The following ARHGAP42 variants were observed in gnomAD, a reference collection of about 807,000 sequenced individuals.
The protein encoded by ARHGAP42 is Rho GTPase activating protein 42.
In ARHGAP42, 63 loss-of-function variants were observed where a neutral mutation model predicts 125.0. The observed-to-expected ratio is 0.50, with a 90% CI of 0.41 to 0.62. The LOEUF (loss-of-function observed/expected upper bound fraction) is 0.62. ARHGAP42 is among the 20% of genes least tolerant of loss of function. ARHGAP42 has a pLI of 0.00. For missense variants in ARHGAP42, 766 were observed against 1,024.2 expected (o/e 0.75, Z 3.44); for synonymous variants, 339 against 351.0 (o/e 0.97, Z 0.38).
intron 1 of ARHGAP42, among the ~76,000 whole-genome samples, chr11:100,698,277 G>A (rs1861321707): frequency 6.6e-6 from 1 of 152,098 alleles, no homozygotes; most frequent in Non-Finnish European, 1.5e-5. Context: ...TTGAAGACTG[G>A]TCTGGACAAC....
At chr11:100,914,083 T>G (rs1469397256) in intron 5 of ARHGAP42, among the ~76,000 whole-genome samples, 1 of 152,036 alleles carries the variant, frequency 6.6e-6, no homozygotes, top group East Asian at 1.9e-4. Flanking sequence ...TACAGGCATG[T>G]GCCACCAAGC....
intron 1 of ARHGAP42, among the ~76,000 whole-genome samples, chr11:100,767,046 A>G (rs1862845411): frequency 6.6e-6 from 1 of 152,214 alleles, no homozygotes; most frequent in Non-Finnish European, 1.5e-5. Context: ...TTTGCAGTGT[A>G]GCAAGAAAAG....
intron 1 of ARHGAP42, among the ~76,000 whole-genome samples, chr11:100,747,993 T>C (rs2045357015): frequency 6.7e-6 from 1 of 149,200 alleles, no homozygotes; most frequent in Admixed American, 6.7e-5. Context: ...CCCCCTTTTT[T>C]TTTCTCAAAG....
intron 3 of ARHGAP42, among the ~76,000 whole-genome samples, chr11:100,827,662 A>G (rs1014503804): frequency 3.9e-5 from 6 of 152,206 alleles, no homozygotes; most frequent in Non-Finnish European, 8.8e-5. Context: ...GCCACAGGAG[A>G]GGCACTGCCC....
chr11:100,940,287 G>A (rs1245696459), intron 8 of ARHGAP42, among the ~76,000 whole-genome samples: 1 of 152,106 alleles, frequency 6.6e-6, no homozygotes, highest in Non-Finnish European at 1.5e-5. Flanking sequence ...TTTTAAACAT[G>A]GTTCTGAAAT....
In ARHGAP42 at chr11:100,751,269, G is replaced by A. The variant is rs75204757; in HGVS notation, c.155-19074G>A. 6.1e-3 allele frequency among the ~76,000 whole-genome samples: 670 copies of A among 109,194 alleles called. 1 individual carries two copies. Among genetic ancestry groups the A allele is most frequent in the East Asian group, 0.017 (55 of 3,226 alleles). 71.6% of individuals were successfully genotyped at this position (109,194 alleles called of 152,430 possible). ...TGTGTATGTGTGTTATATATATAGTGTGTGTGTGTGTTTTTTTTTTTTTTT... is the reference window on the plus strand; with the variant it reads ...TGTGTATGTGTGTTATATATATAGTATGTGTGTGTGTTTTTTTTTTTTTTT... On this transcript the variant is annotated intron_variant, in intron 1 of 23. Transcript: ENST00000298815.
intron 3 of ARHGAP42, among the ~76,000 whole-genome samples, chr11:100,814,225 C>T (rs1489280432): frequency 5.9e-5 from 9 of 151,390 alleles, no homozygotes; most frequent in South Asian, 2.1e-4. Flanking sequence ...GGTATGGTGG[C>T]GTGCACCTGT....
intron 4 of ARHGAP42, among the ~76,000 whole-genome samples, chr11:100,890,259 G>A (rs1035909265): frequency 1.3e-5 from 2 of 152,054 alleles, no homozygotes; most frequent in African/African-American, 4.8e-5. Context: ...AGCTCCTGAT[G>A]GTTGAAGTTT....
At chr11:100,757,987 A>G (rs980382428) in intron 1 of ARHGAP42, among the ~76,000 whole-genome samples, 10 of 152,316 alleles carry the variant, frequency 6.6e-5, no homozygotes, top group East Asian at 1.9e-4. Flanking sequence ...TCATATTGCT[A>G]TGTGAAAAGA....
intron 4 of ARHGAP42, among the ~76,000 whole-genome samples, chr11:100,907,463 C>A (rs907521652): frequency 2.6e-5 from 4 of 152,172 alleles, no homozygotes; most frequent in Admixed American, 1.3e-4. Context: ...AATGGTACAA[C>A]CCTCCAGAAA....
chr11:100,715,484 G>A (rs997636862), intron 1 of ARHGAP42, among the ~76,000 whole-genome samples: 2 of 152,148 alleles, frequency 1.3e-5, no homozygotes, highest in East Asian at 3.8e-4. Context: ...GGACTGGCTT[G>A]CCATGGATTT....
chr11:100,846,052 CA>C (rs1865059297), intron 3 of ARHGAP42, among the ~76,000 whole-genome samples: 1 of 152,104 alleles, frequency 6.6e-6, no homozygotes, highest in South Asian at 2.1e-4. Flanking sequence ...GATTCATTTC[CA>C]AAATGGTAAC....
intron 3 of ARHGAP42, among the ~76,000 whole-genome samples, chr11:100,795,504 A>G (rs1394084456): frequency 1.3e-5 from 2 of 152,188 alleles, no homozygotes; most frequent in Non-Finnish European, 2.9e-5. Flanking sequence ...TCAGTGTTAT[A>G]ATACAAACAT....
intron 3 of ARHGAP42, among the ~76,000 whole-genome samples, chr11:100,814,852 G>A (rs1245179721): frequency 6.6e-6 from 1 of 152,154 alleles, no homozygotes; most frequent in Non-Finnish European, 1.5e-5. Flanking sequence ...ATAAGATTTG[G>A]GTGGGGACAC....
chr11:100,902,173 C>A (rs530177219), intron 4 of ARHGAP42, among the ~76,000 whole-genome samples: 1 of 152,166 alleles, frequency 6.6e-6, no homozygotes, highest in Admixed American at 6.5e-5. Flanking sequence ...CACTTTAACC[C>A]GTTGAAGAAT....
chr11:100,864,736 C>T (rs1476673014), intron 4 of ARHGAP42, among the ~76,000 whole-genome samples: 1 of 152,156 alleles, frequency 6.6e-6, no homozygotes. Flanking sequence ...TTGTGAAATA[C>T]TTCATTTTCT....
chr11:100,786,188 A>G (rs1390801990), intron 2 of ARHGAP42, among the ~76,000 whole-genome samples: 19 of 152,234 alleles, frequency 1.2e-4, no homozygotes, highest in South Asian at 1.2e-3. Flanking sequence ...GAAACAGAAT[A>G]AACATTAAAA....
At chr11:100,779,470 AT>A (rs1399481272) in intron 2 of ARHGAP42, among the ~76,000 whole-genome samples, 57 of 80,402 alleles carry the variant, frequency 7.1e-4, no homozygotes, top group African/African-American at 2.4e-3. Context: ...AAAAAAAAAT[AT>A]ATATATATAT....
In ARHGAP42 at chr11:100,993,042, C is replaced by T. The variant is rs763074129; in HGVS notation, c.*4241C>T. The stretch of plus-strand genomic sequence containing the variant: ...ATTTACTGCCATCATAAATATTCTC[C>T]ACCATTCAAGATGCCTGTGTACACG... On this transcript the variant is annotated 3_prime_UTR_variant, in exon 24 of 24. Transcript: ENST00000298815. 3.0e-4 allele frequency: 66 copies of T among 221,902 alleles called. No individual in the cohort carries two copies. Among genetic ancestry groups the T allele is most frequent in the Non-Finnish European group, 5.3e-4 (54 of 102,800 alleles). The allele number at this position is 221,902 out of a possible 1,614,324, so 13.7% of individuals were successfully genotyped here.
Sources: allele counts gnomAD v4.1 joint callset (sites outside exome capture counted in the v4.1 genomes callset), GRCh38; gene constraint gnomAD v4.1.1; transcripts MANE v1.5; gene names NCBI Gene and HGNC (gene_info 2026-07-23, HGNC 2026-07-21).